Variants in DLG1 observed in about 807,000 individuals in gnomAD.
DLG1 encodes discs large MAGUK scaffold protein 1.
A neutral mutation model predicts 123.4 loss-of-function variants in DLG1; 42 were observed. The ratio of observed to expected loss-of-function variants is 0.34; its 90% CI spans 0.27 to 0.44. The LOEUF (loss-of-function observed/expected upper bound fraction) is 0.44, where lower values mean the gene tolerates loss of function less well. DLG1 is among the 20% of genes least tolerant of loss of function. DLG1 has a pLI of 1.00. For missense variants in DLG1, 942 were observed against 1,082.6 expected (o/e 0.87, Z 1.82); for synonymous variants, 317 against 356.2 (o/e 0.89, Z 1.24).
intron 5 of DLG1, among the ~76,000 whole-genome samples, chr3:197,175,826 T>G (rs1296020009): frequency 6.6e-6 from 1 of 152,164 alleles, no homozygotes; most frequent in Non-Finnish European, 1.5e-5. Flanking sequence ...TGAAGTACAA[T>G]TCTCATGCAA....
At chr3:197,289,341 TACACACACACAC>T (rs56319334) in intron 3 of DLG1, among the ~76,000 whole-genome samples, 3 of 150,286 alleles carry the variant, frequency 2.0e-5, no homozygotes, top group African/African-American at 7.3e-5. Context: ...TACACGCGCA[TACACACACACAC>T]ACACACACAC....
intron 4 of DLG1, among the ~76,000 whole-genome samples, chr3:197,260,862 C>T (rs909303916): frequency 9.4e-5 from 14 of 149,676 alleles, no homozygotes; most frequent in African/African-American, 2.9e-4. Flanking sequence ...ATGACTTTCT[C>T]GAGCAGTAAT....
intron 21 of DLG1, 117 bp downstream of exon 21, chr3:197,065,591 A>G: frequency 1.0e-6 from 1 of 981,132 alleles, no homozygotes; most frequent in African/African-American, 1.6e-5. Context: ...GGAGGATGGA[A>G]GAGTAACTGA....
chr3:197,225,034 G>A (rs1396950284), intron 4 of DLG1, among the ~76,000 whole-genome samples: 1 of 152,202 alleles, frequency 6.6e-6, no homozygotes, highest in Admixed American at 6.5e-5. Context: ...TTGGCTCACT[G>A]CAAGCTCCGC....
At chr3:197,219,045 C>G (rs181885915) in intron 4 of DLG1, among the ~76,000 whole-genome samples, 3 of 151,926 alleles carry the variant, frequency 2.0e-5, no homozygotes, top group Non-Finnish European at 4.4e-5. Context: ...GCAGGAGAAT[C>G]GCTTGAACCC....
At chr3:197,109,692 T>C (rs1329125107) in intron 13 of DLG1, among the ~76,000 whole-genome samples, 1 of 152,234 alleles carries the variant, frequency 6.6e-6, no homozygotes, top group African/African-American at 2.4e-5. Flanking sequence ...TTTTGAGAGA[T>C]GAACTCCTTC....
chr3:197,158,925 C>T (rs1319803402), intron 5 of DLG1, among the ~76,000 whole-genome samples: 7 of 152,124 alleles, frequency 4.6e-5, no homozygotes, highest in Non-Finnish European at 1.5e-5. Context: ...TTTAAAACAT[C>T]TAGTTTTAAA....
intron 4 of DLG1, among the ~76,000 whole-genome samples, chr3:197,229,273 A>T (rs1741592391): frequency 6.6e-6 from 1 of 152,026 alleles, no homozygotes; most frequent in Non-Finnish European, 1.5e-5. Context: ...TGGGAGGATT[A>T]CTTGAGGCCA....
At chr3:197,218,854 G>A (rs1259862291) in intron 4 of DLG1, among the ~76,000 whole-genome samples, 7 of 152,140 alleles carry the variant, frequency 4.6e-5, no homozygotes, top group South Asian at 2.1e-4. Flanking sequence ...AAACTCGGCC[G>A]GGTGCGATGG....
intron 24 of DLG1, among the ~76,000 whole-genome samples, chr3:197,048,327 C>T (rs559259416): frequency 6.6e-5 from 10 of 152,152 alleles, no homozygotes; most frequent in South Asian, 6.2e-4. Flanking sequence ...AAAAATTAGC[C>T]GGGTGTGGTG....
rs533065139 is a variant in DLG1 at position 197,116,221 on chromosome 3, A to G, written c.1287-138T>C. ...GACAAAATATAAATGGTTTTTCTAA[A>G]ACTACGAGATAAAGAGATTCTAAGC... On this transcript the variant is annotated intron_variant, in intron 12 of 24. Transcript: ENST00000667157. 208 of 662,844 alleles carry G rather than the reference A, an allele frequency of 3.1e-4. 2 individuals carry two copies. The African/African-American group carries it at 3.4e-3, about 11-fold the overall frequency. 41.1% of individuals were successfully genotyped at this position (662,844 alleles called of 1,614,324 possible).
At position 197,194,440 on chromosome 3, in the gene DLG1, A is replaced by C; in HGVS notation, c.468T>G (p.His156Gln). 1 of 1,589,760 alleles carries C rather than the reference A, an allele frequency of 6.3e-7. No homozygotes were observed. Reference sequence around the variant, plus strand: ...ACTATCCTACCTTTATTGGTGAAATATGAGAATGAGAAACAAATCCATGGA... The same window carrying C: ...ACTATCCTACCTTTATTGGTGAAATCTGAGAATGAGAAACAAATCCATGGA... ...ENVHGFVSHS[H>Q]ISPIKANPPP... Residue 156 changes from histidine (H) to glutamine (Q), a missense_variant, in exon 5 of 25, where the codon CAT becomes CAG. His to Gln is a conservative substitution (Grantham distance 24). Coordinates refer to ENST00000667157, the MANE Select transcript of DLG1 (RefSeq NM_001366207.1).
At chr3:197,203,510 T>C (rs1726937212) in intron 4 of DLG1, among the ~76,000 whole-genome samples, 1 of 152,028 alleles carries the variant, frequency 6.6e-6, no homozygotes, top group African/African-American at 2.4e-5. Flanking sequence ...CCAGTAATTA[T>C]ATTTACCCCC....
chr3:197,255,472 T>C (rs1470092047), intron 4 of DLG1, among the ~76,000 whole-genome samples: 1 of 152,190 alleles, frequency 6.6e-6, no homozygotes, highest in Non-Finnish European at 1.5e-5. Flanking sequence ...AACAAAAACT[T>C]TGTGGTAAGG....
At chr3:197,163,687 ATTTT>A (rs56865627) in intron 5 of DLG1, among the ~76,000 whole-genome samples, 179 of 102,054 alleles carry the variant, frequency 1.8e-3, no homozygotes, top group Middle Eastern at 0.011. Context: ...ATGCTCAGCT[ATTTT>A]TTTTTTTTTT....
chr3:197,113,154 T>G (rs1771063377), intron 13 of DLG1, among the ~76,000 whole-genome samples: 1 of 152,230 alleles, frequency 6.6e-6, no homozygotes, highest in Non-Finnish European at 1.5e-5. Context: ...TTTTCCCTTC[T>G]CTATTGAACT....
chr3:197,258,946 GGATAAT>G (rs1758104463), intron 4 of DLG1, among the ~76,000 whole-genome samples: 1 of 151,918 alleles, frequency 6.6e-6, no homozygotes, highest in Non-Finnish European at 1.5e-5. Flanking sequence ...AAATACTTTA[GGATAAT>G]GATTACATCT....
rs1042877644 is a variant in DLG1, at chr3:197,247,223, CT to C, written c.318+35455del. On this transcript the variant is annotated intron_variant, in intron 4 of 24. Coordinates refer to ENST00000667157, the MANE Select transcript of DLG1 (RefSeq NM_001366207.1). ...GGAAGTTCTGAATATCTTTGTTGCA[CT>C]GTTTTATCTCACGCTGGAGCCTTCC... Among the ~76,000 whole-genome samples the C allele has an allele frequency of 6.0e-4, 92 of 152,156 alleles. 4 individuals are homozygous for C. The highest frequency in any genetic ancestry group is 2.0e-4 in the Admixed American group (3 of 15,276).
intron 15 of DLG1, among the ~76,000 whole-genome samples, chr3:197,090,344 A>G (rs575635686): frequency 6.6e-6 from 1 of 151,926 alleles, no homozygotes; most frequent in African/African-American, 2.4e-5. Context: ...TTATATACTA[A>G]TATCACCTAT....
Sources: allele counts gnomAD v4.1 joint callset (sites outside exome capture counted in the v4.1 genomes callset), GRCh38; gene constraint gnomAD v4.1.1; transcripts MANE v1.5; gene names NCBI Gene and HGNC (gene_info 2026-07-23, HGNC 2026-07-21).